Variants in ZNRF1 observed in about 807,000 individuals in gnomAD.
The protein encoded by ZNRF1 is zinc and ring finger 1.
In ZNRF1, 3 loss-of-function variants were observed where a neutral mutation model predicts 18.4. That is an observed-to-expected ratio of 0.16 (90% CI 0.07 to 0.42). The LOEUF (loss-of-function observed/expected upper bound fraction) is 0.42. ZNRF1 is among the 10% of genes least tolerant of loss of function. The pLI is 0.99. For missense variants in ZNRF1, 310 were observed against 329.8 expected (o/e 0.94, Z 0.47); for synonymous variants, 157 against 144.2 (o/e 1.09, Z -0.64).
intron 1 of ZNRF1, among the ~76,000 whole-genome samples, chr16:75,080,664 T>A (rs907492200): frequency 6.6e-6 from 1 of 151,704 alleles, no homozygotes; most frequent in African/African-American, 2.4e-5. Context: ...CCACACACAC[T>A]CCATAAAAAA....
intron 1 of ZNRF1, among the ~76,000 whole-genome samples, chr16:75,034,580 G>T (rs1460827301): frequency 6.6e-6 from 1 of 152,138 alleles, no homozygotes; most frequent in Non-Finnish European, 1.5e-5. Flanking sequence ...CTGTGAACAC[G>T]AATATACAAA....
chr16:75,077,517 C>A (rs2035955196), intron 1 of ZNRF1, among the ~76,000 whole-genome samples: 3 of 152,124 alleles, frequency 2.0e-5, no homozygotes, highest in African/African-American at 7.2e-5. Context: ...GGCGACAGAG[C>A]GAGATTCCGT....
intron 2 of ZNRF1, among the ~76,000 whole-genome samples, chr16:75,099,068 G>A (rs2036229063): frequency 6.6e-6 from 1 of 152,230 alleles, no homozygotes; most frequent in Non-Finnish European, 1.5e-5. Context: ...AAGTGCCTGT[G>A]AGACGGGTGG....
At chr16:75,011,684 G>A (rs2035002633) in intron 1 of ZNRF1, among the ~76,000 whole-genome samples, 1 of 152,206 alleles carries the variant, frequency 6.6e-6, no homozygotes, top group Non-Finnish European at 1.5e-5. Context: ...CTATAAGCAA[G>A]TCTTAAGACC....
chr16:75,006,656 G>C (rs1009364847), intron 1 of ZNRF1, among the ~76,000 whole-genome samples: 1 of 152,202 alleles, frequency 6.6e-6, no homozygotes, highest in Admixed American at 6.5e-5. Context: ...GGCTGGTCTC[G>C]AACTCCTGAC....
At chr16:75,076,410 G>A (rs1029538945) in intron 1 of ZNRF1, among the ~76,000 whole-genome samples, 10 of 152,088 alleles carry the variant, frequency 6.6e-5, no homozygotes, top group South Asian at 2.1e-4. Context: ...CAGCCACTTC[G>A]GGATGTGAAA....
Position 75,110,605 on chromosome 16 carries a change from T to C in ZNRF1, c.*2905T>C, listed in dbSNP as rs2036371046. ...CACAAAGCAAATAAGGCCAAAATGT[T>C]CATTGTTGAATCTGCAGTGGCTGGT... is the stretch of plus-strand genomic sequence containing the variant. On this transcript the variant is annotated 3_prime_UTR_variant, in exon 5 of 5. Transcript: ENST00000335325. 1 of 152,282 alleles carries C rather than the reference T, an allele frequency of 6.6e-6. No individual in the cohort carries two copies. Among genetic ancestry groups the C allele is most frequent in the Non-Finnish European group, 1.5e-5 (1 of 68,048 alleles). The allele number at this position is 152,282 out of a possible 1,614,324, so 9.4% of individuals were successfully genotyped here.
chr16:75,068,469 A>C (rs7187939), intron 1 of ZNRF1, among the ~76,000 whole-genome samples: 1 of 152,114 alleles, frequency 6.6e-6, no homozygotes, highest in Non-Finnish European at 1.5e-5. Flanking sequence ...TTTCTCCCAC[A>C]GCAGAGTCGG....
intron 1 of ZNRF1, among the ~76,000 whole-genome samples, chr16:75,084,133 T>G (rs1567490690): frequency 6.6e-6 from 1 of 152,230 alleles, no homozygotes. Context: ...GCCCTGGCCC[T>G]TAAAGTCCGC....
chr16:75,003,839 G>C (rs113304487), intron 1 of ZNRF1, among the ~76,000 whole-genome samples: 4 of 152,144 alleles, frequency 2.6e-5, no homozygotes, highest in African/African-American at 7.2e-5. Context: ...TTACCTCTCA[G>C]AGTCATAGTG....
chr16:75,050,527 A>ACAAT (rs1000460630), intron 1 of ZNRF1, among the ~76,000 whole-genome samples: 1 of 151,328 alleles, frequency 6.6e-6, no homozygotes, highest in Non-Finnish European at 1.5e-5. Flanking sequence ...CCTTGTCTCA[A>ACAAT]CAATCAATCA....
At position 75,108,831 on chromosome 16, in the gene ZNRF1, G is replaced by A. The variant is rs928984494; in HGVS notation, c.*1131G>A. The A allele has an allele frequency of 1.8e-5, 6 of 336,836 alleles. No individual in the cohort carries two copies. Among genetic ancestry groups the A allele is most frequent in the African/African-American group, 1.1e-4 (5 of 47,402 alleles). The allele number at this position is 336,836 out of a possible 1,614,324, so 20.9% of individuals were successfully genotyped here. A position where few individuals can be genotyped will look rare whatever the true frequency, so the allele number is the denominator to read the frequency against. ...CTTCAGGCTGCTACTCGGGGCTCCA[G>A]GTGTGTGAATTGGTCCTCAGATAGT... On this transcript the variant is annotated 3_prime_UTR_variant, in exon 5 of 5. Transcript: ENST00000335325.
At chr16:75,028,063 C>T (rs937499973) in intron 1 of ZNRF1, among the ~76,000 whole-genome samples, 2 of 152,188 alleles carry the variant, frequency 1.3e-5, no homozygotes, top group Non-Finnish European at 2.9e-5. Flanking sequence ...ATGATCCTTG[C>T]AAGGGCCAAT....
At chr16:75,036,552 A>G (rs960797037) in intron 1 of ZNRF1, among the ~76,000 whole-genome samples, 1 of 149,700 alleles carries the variant, frequency 6.7e-6, no homozygotes, top group East Asian at 1.9e-4. Flanking sequence ...TTCCTATCCA[A>G]TACTTTCATC....
At chr16:75,001,928 G>A (rs987627938) in intron 1 of ZNRF1, among the ~76,000 whole-genome samples, 2 of 152,114 alleles carry the variant, frequency 1.3e-5, no homozygotes, top group African/African-American at 4.8e-5. Flanking sequence ...ACTGAACTGT[G>A]GGGACAGGAA....
intron 3 of ZNRF1, chr16:75,105,982 AGGTC>A: frequency 6.3e-6 from 1 of 158,228 alleles, no homozygotes; most frequent in East Asian, 1.8e-4. Flanking sequence ...CTCTCCTAAG[AGGTC>A]ACCCACTGGG....
chr16:75,079,497 C>T (rs977916735), intron 1 of ZNRF1, among the ~76,000 whole-genome samples: 16 of 151,958 alleles, frequency 1.1e-4, no homozygotes, highest in South Asian at 2.1e-4. Context: ...AAACAAGAAA[C>T]CTCCTTTTGA....
chr16:75,018,061 C>T (rs1209771629), intron 1 of ZNRF1, among the ~76,000 whole-genome samples: 1 of 152,184 alleles, frequency 6.6e-6, no homozygotes, highest in African/African-American at 2.4e-5. Flanking sequence ...CAGTGTCTAT[C>T]ATATAGGACT....
intron 1 of ZNRF1, among the ~76,000 whole-genome samples, chr16:75,092,840 C>T (rs1028057981): frequency 1.3e-5 from 2 of 152,160 alleles, no homozygotes; most frequent in African/African-American, 4.8e-5. Flanking sequence ...GATGAGATTC[C>T]TCCCAGGGTG....
Sources: gnomAD v4.1 joint callset for allele counts (sites outside exome capture counted in the v4.1 genomes callset) on GRCh38, gnomAD v4.1.1 for gene constraint, MANE v1.5 for transcripts, NCBI Gene and HGNC (gene_info 2026-07-23, HGNC 2026-07-21) for gene names.